Variants in ZC3H7A observed in about 807,000 individuals in gnomAD.
ZC3H7A encodes zinc finger CCCH domain-containing protein 7A.
In ZC3H7A, 44 loss-of-function variants were observed where a neutral mutation model predicts 125.5. The ratio of observed to expected loss-of-function variants is 0.35; its 90% CI spans 0.28 to 0.45. ZC3H7A has a LOEUF of 0.45. Ranked by LOEUF, ZC3H7A falls within the 20% of genes least tolerant of loss-of-function variation. ZC3H7A has a pLI of 1.00. For missense variants in ZC3H7A, 977 were observed against 1,170.7 expected (o/e 0.83, Z 2.41); for synonymous variants, 399 against 391.2 (o/e 1.02, Z -0.23).
rs114862054 is a variant in ZC3H7A at position 11,756,211 on chromosome 16, G to C, written c.2562+26C>G. On this transcript the variant is annotated intron_variant, in intron 21 of 22. Transcript: ENST00000355758. ...GGCTCCATCAATGGCTCGGCAAAGAGAGGGTAAATGACGCACGGTACTCAC... is the reference window on the plus strand; with the variant it reads ...GGCTCCATCAATGGCTCGGCAAAGACAGGGTAAATGACGCACGGTACTCAC... The C allele has an allele frequency of 6.7e-4, 1,068 of 1,589,720 alleles. 10 individuals are homozygous for C. The African/African-American group carries it at 0.012, about 17-fold the overall frequency.
At chr16:11,777,519 G>A (rs1227928052) in intron 4 of ZC3H7A, among the ~76,000 whole-genome samples, 2 of 152,172 alleles carry the variant, frequency 1.3e-5, no homozygotes, top group Admixed American at 1.3e-4. Context: ...TCAGGAGTTC[G>A]AGACCAGCCT....
chr16:11,790,274 T>A (rs1012529203), intron 1 of ZC3H7A, among the ~76,000 whole-genome samples: 4 of 152,120 alleles, frequency 2.6e-5, no homozygotes, highest in African/African-American at 9.7e-5. Flanking sequence ...AGTGTGGCAA[T>A]GTGATGAGGC....
At chr16:11,790,011 G>A (rs540226628) in intron 1 of ZC3H7A, among the ~76,000 whole-genome samples, 2 of 150,008 alleles carry the variant, frequency 1.3e-5, no homozygotes, top group Admixed American at 6.7e-5. Flanking sequence ...AACCCGGGAG[G>A]TGCAGGCTGC....
At chr16:11,779,493 G>A (rs1319194036) in intron 3 of ZC3H7A, 130 bp from the exon 4 acceptor site, 1 of 770,704 alleles carries the variant, frequency 1.3e-6, no homozygotes, top group Non-Finnish European at 2.0e-6. Flanking sequence ...CTAAGAAATT[G>A]TGAGATGCAG....
chr16:11,751,042 T>C lies in ZC3H7A; in HGVS notation c.*275A>G. On this transcript the variant is annotated 3_prime_UTR_variant, in exon 23 of 23. Transcript: ENST00000355758. The stretch of plus-strand genomic sequence containing the variant: ...TCAAAGAGTTGTCCTAGATATAACC[T>C]TATCCTCTTCCCCAACACACTTCAT... 3.2e-6 allele frequency: 1 copy of C among 316,832 alleles called. No individual in the cohort carries two copies. The highest frequency in any genetic ancestry group is 5.8e-6 in the Non-Finnish European group (1 of 171,708). 19.6% of individuals were successfully genotyped at this position (316,832 alleles called of 1,614,324 possible). A position where few individuals can be genotyped will look rare whatever the true frequency, so the allele number is the denominator to read the frequency against.
rs757705945 is a variant in ZC3H7A, at chr16:11,763,669, A to C, written c.1821-10T>G. 6.0e-6 allele frequency: 9 copies of C among 1,493,476 alleles called. No individual in the cohort carries two copies. The highest frequency in any genetic ancestry group is 1.5e-5 in the African/African-American group (1 of 68,662). The allele number at this position is 1,493,476 out of a possible 1,614,324, so 92.5% of individuals were successfully genotyped here. A position where few individuals can be genotyped will look rare whatever the true frequency, so the allele number is the denominator to read the frequency against. Reference sequence around the variant, plus strand: ...AATGTGGACAAGGCACCTAAGATGAAAACAGTGACATTTTAATATTGTTCT... The same window carrying C: ...AATGTGGACAAGGCACCTAAGATGACAACAGTGACATTTTAATATTGTTCT... On this transcript the variant is annotated splice_polypyrimidine_tract_variant and intron_variant, in intron 15 of 22. Transcript: ENST00000355758.
chr16:11,763,867 G>A (rs1026282008), intron 15 of ZC3H7A, among the ~76,000 whole-genome samples: 2 of 146,616 alleles, frequency 1.4e-5, no homozygotes, highest in South Asian at 2.2e-4. Context: ...GCAGTGGCGC[G>A]ATCTCGGCTC....
intron 1 of ZC3H7A, among the ~76,000 whole-genome samples, chr16:11,792,115 C>T (rs1266144866): frequency 6.6e-6 from 1 of 152,100 alleles, no homozygotes; most frequent in Non-Finnish European, 1.5e-5. Context: ...ACTATATTGC[C>T]CAGGCTGTTC....
At chr16:11,787,234 G>A (rs564334590) in intron 1 of ZC3H7A, among the ~76,000 whole-genome samples, 7 of 152,250 alleles carry the variant, frequency 4.6e-5, no homozygotes, top group African/African-American at 1.7e-4. Flanking sequence ...CCCAGGAGTT[G>A]GAGGCTGCAG....
At chr16:11,767,292 G>T (rs965612478) in intron 13 of ZC3H7A, 125 bp downstream of exon 13, 1 of 848,856 alleles carries the variant, frequency 1.2e-6, no homozygotes. Flanking sequence ...ATCGAGGTTT[G>T]TGTAAGTACT....
intron 15 of ZC3H7A, 162 bp downstream of exon 15, chr16:11,764,891 C>A: frequency 2.0e-6 from 1 of 502,238 alleles, no homozygotes; most frequent in Middle Eastern, 5.2e-4. Context: ...CACTTTCCAG[C>A]CAAATCTACT....
intron 13 of ZC3H7A, among the ~76,000 whole-genome samples, chr16:11,766,161 TG>T (rs1437653722): frequency 6.6e-6 from 1 of 152,072 alleles, no homozygotes; most frequent in Non-Finnish European, 1.5e-5. Context: ...TTGACAAACA[TG>T]AAAATACCAA....
At chr16:11,782,185 G>C (rs1021936432) in intron 2 of ZC3H7A, 102 bp downstream of exon 2, 33 of 1,270,882 alleles carry the variant, frequency 2.6e-5, no homozygotes, top group Admixed American at 3.9e-5. Context: ...AAATTAACTG[G>C]ACCTATTAAA....
chr16:11,776,834 G>A lies in ZC3H7A; in HGVS notation c.382C>T (p.Arg128Trp), dbSNP rs774351290. The stretch of plus-strand genomic sequence containing the variant: ...AAATCACTTAAAGCCTTAGATTTCC[G>A]ATACAGAGCTTTGCAGTTACTGGCA... ...LNASNCKALYRKSKALSDLGR... is the reference protein window; with the variant it reads ...LNASNCKALYWKSKALSDLGR... Residue 128 changes from arginine (R) to tryptophan (W), a missense_variant, in exon 5 of 23, where the codon CGG becomes TGG. Transcript: ENST00000355758. 19 of 1,613,848 alleles carry A rather than the reference G, an allele frequency of 1.2e-5. No individual in the cohort carries two copies. Among genetic ancestry groups the A allele is most frequent in the Admixed American group, 1.7e-5 (1 of 59,944 alleles).
At chr16:11,751,583 A>G in intron 22 of ZC3H7A, 77 bp from the exon 23 acceptor site, 1 of 1,412,234 alleles carries the variant, frequency 7.1e-7, no homozygotes, top group Non-Finnish European at 9.6e-7. Context: ...GAAACTGTAT[A>G]TTTCACTAGC....
At chr16:11,762,088 C>A in intron 17 of ZC3H7A, 45 bp from the exon 18 acceptor site, 2 of 1,518,142 alleles carry the variant, frequency 1.3e-6, no homozygotes, top group South Asian at 1.3e-5. Context: ...AACAGAAAAC[C>A]AGTTTTCTGA....
intron 9 of ZC3H7A, 106 bp from the exon 10 acceptor site, chr16:11,771,093 C>T (rs1029710155): frequency 1.4e-5 from 16 of 1,132,656 alleles, no homozygotes; most frequent in African/African-American, 9.3e-5. Flanking sequence ...TGGGAGATCA[C>T]GTTACATAAC....
chr16:11,761,589 G>C (rs1319416001), intron 18 of ZC3H7A, 78 bp from the exon 19 acceptor site: 1 of 1,451,310 alleles, frequency 6.9e-7, no homozygotes, highest in Non-Finnish European at 9.5e-7. Context: ...CACAAAGTTT[G>C]TACCTGAGGA....
intron 22 of ZC3H7A, 90 bp downstream of exon 22, chr16:11,752,579 T>C: frequency 6.7e-7 from 1 of 1,490,864 alleles, no homozygotes; most frequent in East Asian, 2.3e-5. Context: ...ATTAGAACTT[T>C]AACACCCAGG....
Sources: gnomAD v4.1 joint callset for allele counts (sites outside exome capture counted in the v4.1 genomes callset) on GRCh38, gnomAD v4.1.1 for gene constraint, MANE v1.5 for transcripts, NCBI Gene and HGNC (gene_info 2026-07-23, HGNC 2026-07-21) for gene names.